Variants in NEK10 observed in about 807,000 individuals in gnomAD.
NEK10 encodes the protein NIMA related kinase 10, also known as serine/threonine-protein kinase Nek10.
Under a neutral mutation model 159.8 loss-of-function variants are expected in NEK10, and 122 were observed. That is an observed-to-expected ratio of 0.76 (90% confidence interval 0.66 to 0.89). The LOEUF (loss-of-function observed/expected upper bound fraction) is 0.89, where lower values mean the gene tolerates loss of function less well. NEK10 is among the 40% of genes least tolerant of loss of function. The pLI, the probability that NEK10 is intolerant of heterozygous loss-of-function variation, is 0.00. For synonymous variants in NEK10, 466 were observed against 457.1 expected (o/e 1.02, Z -0.25); for missense variants, 1,342 against 1,323.1 (o/e 1.01, Z -0.22).
intron 5 of NEK10, among the ~76,000 whole-genome samples, chr3:27,334,984 A>T (rs2149729193): frequency 6.6e-6 from 1 of 152,330 alleles, no homozygotes; most frequent in South Asian, 2.1e-4. Flanking sequence ...ATATAAATAA[A>T]TCAGAAAAAC....
intron 23 of NEK10, among the ~76,000 whole-genome samples, chr3:27,207,657 C>A (rs893939679): frequency 1.3e-5 from 2 of 152,102 alleles, no homozygotes; most frequent in African/African-American, 4.8e-5. Flanking sequence ...ATTTCTGCAT[C>A]CCACTGCAAT....
intron 23 of NEK10, chr3:27,252,269 G>A (rs1177773868): frequency 1.0e-5 from 5 of 488,720 alleles, no homozygotes; most frequent in South Asian, 7.5e-5. Flanking sequence ...TGCTATTTGG[G>A]GCAAGTGATC....
rs572944336 is a variant in NEK10 at position 27,270,697 on chromosome 3, G to C, written c.2014+13905C>G. The stretch of plus-strand genomic sequence containing the variant: ...ATAATTCTCCACTTCAGGTCCAAAA[G>C]GATCTTTTAAATATCTAAAGTTGCC... On this transcript the variant is annotated intron_variant, in intron 22 of 35. Transcript: ENST00000691995. Among the ~76,000 whole-genome samples the C allele has an allele frequency of 5.9e-5, 9 of 152,002 alleles. No homozygotes were observed. The South Asian group carries it at 1.9e-3, about 32-fold the overall frequency.
At position 27,290,770 on chromosome 3, in the gene NEK10, A is replaced by C; in HGVS notation, c.1606-16T>G. ...GCTTTCTAACCTAAAATAAAGAAAA[A>C]CACAACAACAACAAAAGGAACAGGG... On this transcript the variant is annotated splice_polypyrimidine_tract_variant and intron_variant, in intron 18 of 35. Coordinates refer to ENST00000691995, the MANE Select transcript of NEK10 (RefSeq NM_001394966.1). 2 of 1,578,992 alleles carry C rather than the reference A, an allele frequency of 1.3e-6. No homozygotes were observed. Among genetic ancestry groups the C allele is most frequent in the Non-Finnish European group, 1.7e-6 (2 of 1,161,594 alleles).
At chr3:27,323,426 G>A (rs980394467) in intron 5 of NEK10, among the ~76,000 whole-genome samples, 1 of 152,172 alleles carries the variant, frequency 6.6e-6, no homozygotes, top group Non-Finnish European at 1.5e-5. Context: ...TGTTGGACAG[G>A]AAGGTGCCAA....
At chr3:27,244,747 G>T (rs77443176) in intron 23 of NEK10, among the ~76,000 whole-genome samples, 35,257 of 151,798 alleles carry the variant, frequency 0.23, 4,455 homozygotes, top group Middle Eastern at 0.37. Context: ...TCCTGGACTC[G>T]CCCCCTCTTC....
chr3:27,147,426 T>A (rs1944411087), intron 30 of NEK10, among the ~76,000 whole-genome samples: 1 of 152,226 alleles, frequency 6.6e-6, no homozygotes, highest in Non-Finnish European at 1.5e-5. Context: ...TAGATGCCCC[T>A]GCTACCCTAG....
chr3:27,263,068 T>C (rs927098884), intron 22 of NEK10, among the ~76,000 whole-genome samples: 2 of 152,232 alleles, frequency 1.3e-5, no homozygotes, highest in Non-Finnish European at 2.9e-5. Context: ...CTGTTGGAGT[T>C]TGCTGGAGGT....
At chr3:27,126,693 G>T (rs75919095) in intron 32 of NEK10, among the ~76,000 whole-genome samples, 2,443 of 151,996 alleles carry the variant, frequency 0.016, 55 homozygotes, top group African/African-American at 0.055. Flanking sequence ...AATAAAATGT[G>T]AGAAACCCTG....
intron 32 of NEK10, among the ~76,000 whole-genome samples, chr3:27,120,680 C>T (rs535343803): frequency 2.2e-4 from 33 of 152,224 alleles, no homozygotes; most frequent in African/African-American, 7.9e-4. Flanking sequence ...TAATTTTAAT[C>T]TCCAAATATT....
At chr3:27,181,435 C>T (rs1197007005) in intron 26 of NEK10, among the ~76,000 whole-genome samples, 1 of 152,012 alleles carries the variant, frequency 6.6e-6, no homozygotes, top group Non-Finnish European at 1.5e-5. Context: ...GTCATCTTCA[C>T]ATTGGGTAGG....
In NEK10 at chr3:27,295,649, A is replaced by G. The variant is rs1416350010; in HGVS notation, c.1272T>C (p.Asn424=). ...TACTTTTTGCTGCATTCTTTTGCTT[A>G]TTTGGTAAAATTAATTTTGCTATTG... ...VYTIAKLILP[N]KQKNAAKSNL... is the part of the protein sequence containing the mutation. Residue 424 remains asparagine (N), a synonymous_variant, in exon 15 of 36, where the codon AAT becomes AAC. Transcript: ENST00000691995. 3 of 1,567,308 alleles carry G rather than the reference A, an allele frequency of 1.9e-6. No homozygotes were observed. The Admixed American group carries it at 5.7e-5, about 30-fold the overall frequency.
intron 23 of NEK10, among the ~76,000 whole-genome samples, chr3:27,245,280 T>A (rs1219708625): frequency 6.6e-6 from 1 of 152,188 alleles, no homozygotes; most frequent in Non-Finnish European, 1.5e-5. Context: ...CGGTGCTGCA[T>A]TATGATTTGT....
chr3:27,311,375 A>G, intron 8 of NEK10: 1 of 167,474 alleles, frequency 6.0e-6, no homozygotes, highest in Non-Finnish European at 1.3e-5. Flanking sequence ...AGGGAAGGCC[A>G]GCAAATGAGA....
At chr3:27,186,634 C>A (rs77300700) in intron 26 of NEK10, among the ~76,000 whole-genome samples, 1 of 152,212 alleles carries the variant, frequency 6.6e-6, no homozygotes, top group African/African-American at 2.4e-5. Context: ...ATCATCATAA[C>A]ACTATATACA....
intron 5 of NEK10, among the ~76,000 whole-genome samples, chr3:27,338,406 T>G (rs551866141): frequency 6.6e-6 from 1 of 152,354 alleles, no homozygotes; most frequent in East Asian, 1.9e-4. Flanking sequence ...TACCTGTGCA[T>G]GTGTCTATAG....
chr3:27,353,805 T>C (rs6551195), intron 1 of NEK10, among the ~76,000 whole-genome samples: 150,495 of 152,254 alleles, frequency 0.99, 74,379 homozygotes, highest in East Asian at 1. Flanking sequence ...TATGCGTTTC[T>C]ACCACAAGCA....
intron 15 of NEK10, among the ~76,000 whole-genome samples, chr3:27,295,339 C>T (rs2043282288): frequency 6.6e-6 from 1 of 152,154 alleles, no homozygotes; most frequent in Non-Finnish European, 1.5e-5. Context: ...ATAAGGAATG[C>T]ATATTTTTTT....
At position 27,307,931 on chromosome 3, in the gene NEK10, T is replaced by C. The variant is rs761336832; in HGVS notation, c.731A>G (p.Glu244Gly). 1 of 1,499,604 alleles carries C rather than the reference T, an allele frequency of 6.7e-7. No individual in the cohort carries two copies. Among genetic ancestry groups the C allele is most frequent in the Non-Finnish European group, 9.3e-7 (1 of 1,077,194 alleles). 92.9% of individuals were successfully genotyped at this position (1,499,604 alleles called of 1,614,324 possible). A position where few individuals can be genotyped will look rare whatever the true frequency, so the allele number is the denominator to read the frequency against. The stretch of plus-strand genomic sequence containing the variant: ...TACAATGTTGAGTTCACTTATCTTC[T>C]CCCTACATTCTTGACTATAAATTGA... Reference protein sequence around the residue: ...ASLAESQECREKISELNIVEN... With the variant: ...ASLAESQECRGKISELNIVEN... The change falls in exon 11 of 36, where the codon GAG becomes GGG. Residue 244 changes from glutamate (E) to glycine (G), a missense_variant. Transcript: ENST00000691995.
Sources: allele counts gnomAD v4.1 joint callset (sites outside exome capture counted in the v4.1 genomes callset), GRCh38; gene constraint gnomAD v4.1.1; transcripts MANE v1.5; gene names NCBI Gene and HGNC (gene_info 2026-07-23, HGNC 2026-07-21).